The following CSMD1 variants were observed in gnomAD, a reference collection of about 807,000 sequenced individuals.
CSMD1 encodes CUB and Sushi multiple domains 1, also known as CUB and sushi domain-containing protein 1.
CSMD1 carries 213 observed loss-of-function variants against 417.5 expected under a neutral mutation model. That is an observed-to-expected ratio of 0.51 (90% CI 0.46 to 0.57). CSMD1 has a LOEUF of 0.57. Among genes scored for constraint, CSMD1 ranks in the 20% least tolerant of loss-of-function variants. CSMD1 has a pLI of 0.00. For synonymous variants in CSMD1, 2,862 were observed against 1,736.8 expected (o/e 1.65, Z -16.11); for missense variants, 6,923 against 4,529.7 (o/e 1.53, Z -15.17).
chr8:4,269,463 T>C (rs1804433738), intron 3 of CSMD1, among the ~76,000 whole-genome samples: 1 of 152,210 alleles, frequency 6.6e-6, no homozygotes, highest in Non-Finnish European at 1.5e-5. Context: ...AGTATTTTTA[T>C]CAGAGCTCAT....
intron 3 of CSMD1, among the ~76,000 whole-genome samples, chr8:4,133,480 G>C (rs571965283): frequency 3.3e-5 from 5 of 152,240 alleles, no homozygotes; most frequent in South Asian, 4.1e-4. Flanking sequence ...AAATCAGCTA[G>C]TATAGAAGAA....
chr8:4,146,594 A>ATTTTTTTTTTTTTTTTT (rs71205423), intron 3 of CSMD1, among the ~76,000 whole-genome samples: 1 of 64,244 alleles, frequency 1.6e-5, no homozygotes, highest in African/African-American at 8.1e-5. Flanking sequence ...ATATGGACAC[A>ATTTTTTTTTTTTTTTTT]TTTTTTTTTT....
At chr8:4,734,684 C>T (rs1810115005) in intron 1 of CSMD1, among the ~76,000 whole-genome samples, 1 of 152,140 alleles carries the variant, frequency 6.6e-6, no homozygotes. Flanking sequence ...ACCCATTTGA[C>T]ATGAGTGGGC....
chr8:3,172,496 C>G (rs556902955), intron 37 of CSMD1, among the ~76,000 whole-genome samples: 1 of 152,050 alleles, frequency 6.6e-6, no homozygotes, highest in South Asian at 2.1e-4. Context: ...CTAATTGTGC[C>G]CCCACCTCAA....
intron 54 of CSMD1, among the ~76,000 whole-genome samples, chr8:2,993,204 A>G (rs1806555109): frequency 6.6e-6 from 1 of 152,226 alleles, no homozygotes; most frequent in Non-Finnish European, 1.5e-5. Flanking sequence ...AAAACTAAGA[A>G]CAATGTATAA....
intron 3 of CSMD1, among the ~76,000 whole-genome samples, chr8:4,106,958 G>C (rs890053160): frequency 5.0e-4 from 76 of 152,188 alleles, no homozygotes; most frequent in Non-Finnish European, 2.6e-4. Context: ...TTCACAGGGA[G>C]AAGCTCTACG....
intron 7 of CSMD1, among the ~76,000 whole-genome samples, chr8:3,707,367 G>C (rs1378060133): frequency 6.6e-6 from 1 of 152,136 alleles, no homozygotes; most frequent in Non-Finnish European, 1.5e-5. Flanking sequence ...CTAGGCAACG[G>C]AAAAACAATA....
At chr8:3,344,535 C>G (rs1807863595) in intron 22 of CSMD1, among the ~76,000 whole-genome samples, 1 of 152,202 alleles carries the variant, frequency 6.6e-6, no homozygotes, top group African/African-American at 2.4e-5. Flanking sequence ...GTGGGCACGG[C>G]TAATCCACCT....
At chr8:4,219,599 G>A (rs4460397) in intron 3 of CSMD1, among the ~76,000 whole-genome samples, 1 of 152,078 alleles carries the variant, frequency 6.6e-6, no homozygotes, top group Non-Finnish European at 1.5e-5. Flanking sequence ...TCTACGGTTG[G>A]CTCCAACCCA....
Position 4,177,265 on chromosome 8 carries a change from G to T in CSMD1, c.416-145166C>A, listed in dbSNP as rs561494878. Among the ~76,000 whole-genome samples the T allele has an allele frequency of 6.6e-5, 10 of 152,172 alleles. No individual in the cohort carries two copies. In the East Asian group the frequency reaches 7.7e-4, roughly 12 times the overall value. On this transcript the variant is annotated intron_variant, in intron 3 of 69. Transcript: ENST00000635120. Reference sequence around the variant, plus strand: ...ACAGTGCAATCAAGCTAGAACTCAGGATTAAGAAACTCACTCAAAACCGCT... The same window carrying T: ...ACAGTGCAATCAAGCTAGAACTCAGTATTAAGAAACTCACTCAAAACCGCT...
chr8:4,807,289 G>A (rs112286547), intron 1 of CSMD1, among the ~76,000 whole-genome samples: 1 of 152,130 alleles, frequency 6.6e-6, no homozygotes, highest in Non-Finnish European at 1.5e-5. Flanking sequence ...CTTTGGACAT[G>A]GCCCTATGAC....
chr8:3,794,938 G>A (rs986715906), intron 5 of CSMD1, among the ~76,000 whole-genome samples: 6 of 150,972 alleles, frequency 4.0e-5, no homozygotes, highest in Non-Finnish European at 7.4e-5. Flanking sequence ...ACCTTCTAAT[G>A]TATAGCTATA....
At chr8:4,001,419 T>C (rs576580767) in intron 4 of CSMD1, among the ~76,000 whole-genome samples, 49 of 152,226 alleles carry the variant, frequency 3.2e-4, no homozygotes, top group African/African-American at 1.0e-3. Context: ...TCTAGGGAGT[T>C]TGTAGGGCTC....
intron 1 of CSMD1, among the ~76,000 whole-genome samples, chr8:4,915,639 T>G (rs1016682893): frequency 6.6e-6 from 1 of 152,180 alleles, no homozygotes; most frequent in African/African-American, 2.4e-5. Context: ...TTCCCAACCT[T>G]CACACCCAGA....
At chr8:3,541,056 T>C (rs113154308) in intron 10 of CSMD1, among the ~76,000 whole-genome samples, 5,986 of 152,168 alleles carry the variant, frequency 0.039, 344 homozygotes, top group African/African-American at 0.12. Context: ...TATAAATCAC[T>C]CTATTATAAA....
intron 1 of CSMD1, among the ~76,000 whole-genome samples, chr8:4,893,224 TTTC>T (rs1804243969): frequency 2.0e-5 from 3 of 152,172 alleles, no homozygotes; most frequent in Admixed American, 6.5e-5. Flanking sequence ...GGTATCTGAA[TTTC>T]TTCTTTTAAT....
intron 2 of CSMD1, among the ~76,000 whole-genome samples, chr8:4,574,537 C>T (rs1799044385): frequency 1.3e-5 from 2 of 152,186 alleles, no homozygotes; most frequent in African/African-American, 2.4e-5. Context: ...GATGGTCTCA[C>T]TGGGAGCTGC....
chr8:4,438,044 A>C (rs554840936), intron 2 of CSMD1, among the ~76,000 whole-genome samples: 2 of 152,172 alleles, frequency 1.3e-5, no homozygotes, highest in Non-Finnish European at 2.9e-5. Flanking sequence ...CAAGCCTCTT[A>C]GCTATGAAGG....
At chr8:3,692,698 G>C (rs1245182074) in intron 7 of CSMD1, among the ~76,000 whole-genome samples, 1 of 152,152 alleles carries the variant, frequency 6.6e-6, no homozygotes, top group Non-Finnish European at 1.5e-5. Context: ...CTCCAGAAGT[G>C]CTGGGATTAC....
Sources: allele counts gnomAD v4.1 joint callset (sites outside exome capture counted in the v4.1 genomes callset), GRCh38; gene constraint gnomAD v4.1.1; transcripts MANE v1.5; gene names NCBI Gene and HGNC (gene_info 2026-07-23, HGNC 2026-07-21).